The following TSPAN5 variants were observed in gnomAD, a reference collection of about 807,000 sequenced individuals.
TSPAN5 encodes the protein tetraspanin 5, also known as tetraspanin-5.
A neutral mutation model predicts 37.1 loss-of-function variants in TSPAN5; 10 were observed. The observed-to-expected ratio is 0.27, with a 90% CI of 0.17 to 0.46. The LOEUF is 0.46. TSPAN5 is among the 20% of genes least tolerant of loss of function. The pLI, the probability that TSPAN5 is intolerant of heterozygous loss-of-function variation, is 1.00. For missense variants in TSPAN5, 195 were observed against 326.6 expected (o/e 0.60, Z 3.11); for synonymous variants, 110 against 118.9 (o/e 0.93, Z 0.48).
intron 1 of TSPAN5, among the ~76,000 whole-genome samples, chr4:98,571,792 T>C (rs1331144803): frequency 2.0e-5 from 3 of 152,156 alleles, no homozygotes; most frequent in African/African-American, 7.2e-5. Flanking sequence ...GCAGTGACCA[T>C]TTCCTTTGGT....
chr4:98,495,558 A>C (rs1753188437), intron 2 of TSPAN5, among the ~76,000 whole-genome samples: 3 of 150,982 alleles, frequency 2.0e-5, no homozygotes, highest in Admixed American at 1.3e-4. Context: ...AAAAGGACAA[A>C]CCAGCTAACC....
At chr4:98,512,158 A>G (rs1185273384) in intron 1 of TSPAN5, among the ~76,000 whole-genome samples, 1 of 152,150 alleles carries the variant, frequency 6.6e-6, no homozygotes, top group Non-Finnish European at 1.5e-5. Flanking sequence ...GGTTGCAGTG[A>G]GCTGAGATCG....
chr4:98,643,261 A>C (rs1003764970), intron 1 of TSPAN5, among the ~76,000 whole-genome samples: 1 of 152,206 alleles, frequency 6.6e-6, no homozygotes, highest in Admixed American at 6.5e-5. Flanking sequence ...TTTGTGGTCC[A>C]GGAGCAACAG....
chr4:98,507,020 A>G (rs1302505553), intron 2 of TSPAN5, among the ~76,000 whole-genome samples: 1 of 152,238 alleles, frequency 6.6e-6, no homozygotes, highest in Non-Finnish European at 1.5e-5. Flanking sequence ...TGCGTTGCTT[A>G]GAGCAGAAAC....
At chr4:98,581,271 T>A (rs1213011620) in intron 1 of TSPAN5, among the ~76,000 whole-genome samples, 3 of 152,074 alleles carry the variant, frequency 2.0e-5, no homozygotes, top group Non-Finnish European at 1.5e-5. Flanking sequence ...AAATACCAAT[T>A]GAGGACCGGT....
intron 2 of TSPAN5, among the ~76,000 whole-genome samples, chr4:98,488,899 C>T (rs968104674): frequency 6.6e-6 from 1 of 151,970 alleles, no homozygotes; most frequent in Non-Finnish European, 1.5e-5. Flanking sequence ...CAAAAATAAA[C>T]TTAAAATAAA....
chr4:98,580,597 T>C (rs774108566), intron 1 of TSPAN5, among the ~76,000 whole-genome samples: 3 of 152,162 alleles, frequency 2.0e-5, no homozygotes, highest in Admixed American at 6.5e-5. Flanking sequence ...GATGATGGCC[T>C]TGAAGTCCAA....
intron 1 of TSPAN5, among the ~76,000 whole-genome samples, chr4:98,521,467 A>G (rs981290460): frequency 6.6e-6 from 1 of 152,218 alleles, no homozygotes; most frequent in African/African-American, 2.4e-5. Context: ...GAAAGTGTAC[A>G]AAAATATTGA....
intron 1 of TSPAN5, among the ~76,000 whole-genome samples, chr4:98,534,289 G>C (rs1170553996): frequency 1.3e-5 from 2 of 152,100 alleles, no homozygotes; most frequent in Non-Finnish European, 2.9e-5. Flanking sequence ...TAGTCATTCA[G>C]GACCAGGTTG....
intron 1 of TSPAN5, among the ~76,000 whole-genome samples, chr4:98,560,950 C>T (rs1053460416): frequency 7.2e-5 from 11 of 152,148 alleles, no homozygotes; most frequent in Admixed American, 3.3e-4. Flanking sequence ...AGGCAACTAA[C>T]GATAACACAG....
Position 98,478,776 on chromosome 4 carries a change from C to T in TSPAN5, c.485G>A (p.Trp162Ter). Residue 162 changes from tryptophan (W) to a stop codon, truncating the protein, a stop_gained, in exon 5 of 8, where the codon TGG becomes TAG. Coordinates refer to ENST00000305798, the MANE Select transcript of TSPAN5 (RefSeq NM_005723.4). LOFTEE classifies it high-confidence loss of function. ...QCCGAFGADD[W>*]NLNIYFNCTD... ...GCAATTGAAGTAAATATTTAGGTTC[C>T]AATCATCAGCTCCAAAAGCCCCACA... is the stretch of plus-strand genomic sequence containing the variant. 6.2e-7 allele frequency: 1 copy of T among 1,613,994 alleles called. No individual in the cohort carries two copies. The highest frequency in any genetic ancestry group is 8.5e-7 in the Non-Finnish European group (1 of 1,180,012).
chr4:98,644,901 A>C (rs1266732726), intron 1 of TSPAN5, among the ~76,000 whole-genome samples: 1 of 152,204 alleles, frequency 6.6e-6, no homozygotes, highest in East Asian at 1.9e-4. Context: ...AGAAAACAGA[A>C]CATGGAGTAT....
chr4:98,543,578 G>A (rs1336468557), intron 1 of TSPAN5, among the ~76,000 whole-genome samples: 1 of 150,944 alleles, frequency 6.6e-6, no homozygotes, highest in Non-Finnish European at 1.5e-5. Context: ...ACCACGCCAG[G>A]CTAATTTTTT....
chr4:98,635,263 C>T (rs149551622), intron 1 of TSPAN5, among the ~76,000 whole-genome samples: 18 of 152,312 alleles, frequency 1.2e-4, no homozygotes, highest in Non-Finnish European at 2.5e-4. Context: ...TGGGATAAAA[C>T]CCCCTTAAGG....
chr4:98,489,394 G>A (rs950589309), intron 2 of TSPAN5, among the ~76,000 whole-genome samples: 2 of 152,118 alleles, frequency 1.3e-5, no homozygotes, highest in African/African-American at 2.4e-5. Context: ...ATCATATATC[G>A]CCTGAGAGCA....
chr4:98,518,669 A>G (rs1222119913), intron 1 of TSPAN5, among the ~76,000 whole-genome samples: 2 of 152,252 alleles, frequency 1.3e-5, no homozygotes, highest in African/African-American at 2.4e-5. Context: ...CCAGGGCTGG[A>G]GCAGAGAGAG....
At chr4:98,639,739 C>T (rs1756925058) in intron 1 of TSPAN5, among the ~76,000 whole-genome samples, 1 of 152,190 alleles carries the variant, frequency 6.6e-6, no homozygotes, top group African/African-American at 2.4e-5. Context: ...CTTTCTGTTT[C>T]ACTTTCTTCA....
At chr4:98,550,768 A>G (rs944712040) in intron 1 of TSPAN5, among the ~76,000 whole-genome samples, 2 of 152,114 alleles carry the variant, frequency 1.3e-5, no homozygotes, top group Non-Finnish European at 2.9e-5. Flanking sequence ...CAAATCTAAG[A>G]GTTTTTTGGT....
chr4:98,486,543 G>A, intron 3 of TSPAN5, 195 bp downstream of exon 3: 2 of 567,776 alleles, frequency 3.5e-6, no homozygotes, highest in Non-Finnish European at 6.2e-6. Context: ...GGTGGTGGGG[G>A]TGGTGTTGTA....
Sources: gnomAD v4.1 joint callset for allele counts (sites outside exome capture counted in the v4.1 genomes callset) on GRCh38, gnomAD v4.1.1 for gene constraint, MANE v1.5 for transcripts, NCBI Gene and HGNC (gene_info 2026-07-23, HGNC 2026-07-21) for gene names.